Variants in DNAH9 observed in about 807,000 individuals in gnomAD.
DNAH9 encodes dynein axonemal heavy chain 9.
DNAH9 carries 345 observed loss-of-function variants against 471.6 expected under a neutral mutation model. That is an observed-to-expected ratio of 0.73 (90% CI 0.67 to 0.80). The LOEUF (loss-of-function observed/expected upper bound fraction) is 0.80. Ranked by LOEUF, DNAH9 falls within the 30% of genes least tolerant of loss-of-function variation. The pLI is 0.00. For synonymous variants in DNAH9, 2,093 were observed against 2,123.6 expected (o/e 0.99, Z 0.40); for missense variants, 5,407 against 5,609.2 (o/e 0.96, Z 1.15).
intron 7 of DNAH9, among the ~76,000 whole-genome samples, chr17:11,630,741 G>A (rs1347555230): frequency 6.6e-6 from 1 of 152,100 alleles, no homozygotes; most frequent in African/African-American, 2.4e-5. Flanking sequence ...AAACTGTATT[G>A]CGTACTTGAA....
At chr17:11,871,515 C>T (rs575331510) in intron 51 of DNAH9, 83 bp from the exon 52 acceptor site, 57 of 1,253,710 alleles carry the variant, frequency 4.5e-5, no homozygotes, top group African/African-American at 2.2e-4. Context: ...AAGCGTGCAG[C>T]GGGCGCTCTC....
Position 11,727,825 on chromosome 17 carries a change from G to T in DNAH9, c.5717G>T (p.Gly1906Val). 2 of 1,612,652 alleles carry T rather than the reference G, an allele frequency of 1.2e-6. No homozygotes were observed. The highest frequency in any genetic ancestry group is 4.5e-5 in the East Asian group (2 of 44,884). Residue 1906 changes from glycine to valine, a missense_variant, in exon 28 of 69, where the codon GGC becomes GTC. This residue lies in a region of DNAH9 where 4,636 missense variants were observed against 4,900.3 expected (regional missense o/e 0.95). Coordinates refer to ENST00000262442, the MANE Select transcript of DNAH9 (RefSeq NM_001372.4). The part of the protein sequence containing the change: ...CSEQMDYKSC[G>V]NIYKGLAQTG... ...TTGTGCATTTTCTTGCAGTCTTGTG[G>T]CAACATCTACAAAGGCCTTGCTCAG...
intron 15 of DNAH9, 111 bp from the exon 16 acceptor site, chr17:11,668,953 C>G (rs956684620): frequency 6.6e-6 from 5 of 758,758 alleles, no homozygotes; most frequent in East Asian, 2.5e-5. Flanking sequence ...TCCCTACAGT[C>G]TAGCAGCCTA....
chr17:11,969,544 C>G lies in DNAH9; in HGVS notation c.*17C>G, dbSNP rs200299939. On this transcript the variant is annotated 3_prime_UTR_variant, in exon 69 of 69. Transcript: ENST00000262442. The stretch of plus-strand genomic sequence containing the variant: ...CAGATTTAGCATCCTGCAGAGCCAC[C>G]GAGAAAATAAAAAAGCTGGGCTTGG... 3 of 1,583,796 alleles carry G rather than the reference C, an allele frequency of 1.9e-6. No individual in the cohort carries two copies. The highest frequency in any genetic ancestry group is 1.7e-6 in the Non-Finnish European group (2 of 1,169,880).
intron 61 of DNAH9, among the ~76,000 whole-genome samples, chr17:11,919,382 C>T (rs1182259572): frequency 6.6e-6 from 1 of 151,408 alleles, no homozygotes; most frequent in Non-Finnish European, 1.5e-5. Flanking sequence ...GTAGTCCCAG[C>T]TACTCGGGAG....
chr17:11,749,476 CT>C (rs1967060257), intron 32 of DNAH9, among the ~76,000 whole-genome samples: 1 of 152,036 alleles, frequency 6.6e-6, no homozygotes. Flanking sequence ...TCTATAGACA[CT>C]TTATTCTCCC....
chr17:11,768,365 C>T (rs368861465), intron 36 of DNAH9, 88 bp from the exon 37 acceptor site: 6 of 1,371,982 alleles, frequency 4.4e-6, no homozygotes, highest in East Asian at 2.3e-5. Context: ...GTTGTCCTGC[C>T]CTGACCTTCT....
At chr17:11,906,032 T>C (rs1268187242) in intron 61 of DNAH9, among the ~76,000 whole-genome samples, 1 of 152,170 alleles carries the variant, frequency 6.6e-6, no homozygotes, top group Non-Finnish European at 1.5e-5. Context: ...CCCAGTTTCA[T>C]GAGGAGGCCT....
rs12946318 is a variant in DNAH9 at position 11,694,629 on chromosome 17, T to G, written c.4872+182T>G. ...TTCTTGCTTTCTTGCTTTCTTGCTT[T>G]CTTGCTTTCTTGCTTTCTCGCTTTC... is the stretch of plus-strand genomic sequence containing the variant. On this transcript the variant is annotated intron_variant, in intron 22 of 68. Coordinates refer to ENST00000262442, the MANE Select transcript of DNAH9 (RefSeq NM_001372.4). Among the ~76,000 whole-genome samples, 11,281 of 16,544 alleles carry G rather than the reference T, an allele frequency of 0.68. 4,318 individuals are homozygous for G. Among genetic ancestry groups the G allele is most frequent in the Non-Finnish European group, 0.82 (6,018 of 7,322 alleles). The allele number at this position is 16,544 out of a possible 152,430, so 10.9% of individuals were successfully genotyped here. A position where few individuals can be genotyped will look rare whatever the true frequency, so the allele number is the denominator to read the frequency against.
chr17:11,963,170 C>T (rs888000685), intron 68 of DNAH9, among the ~76,000 whole-genome samples: 1 of 152,084 alleles, frequency 6.6e-6, no homozygotes, highest in African/African-American at 2.4e-5. Flanking sequence ...CACAGTGGCT[C>T]ACACCTGTAA....
At chr17:11,638,289 G>C (rs1260482140) in intron 9 of DNAH9, among the ~76,000 whole-genome samples, 1 of 152,184 alleles carries the variant, frequency 6.6e-6, no homozygotes, top group Non-Finnish European at 1.5e-5. Context: ...CTTACGGTCA[G>C]ATACAGAGTT....
intron 48 of DNAH9, among the ~76,000 whole-genome samples, chr17:11,831,708 A>G (rs890837257): frequency 6.6e-6 from 1 of 152,202 alleles, no homozygotes; most frequent in Non-Finnish European, 1.5e-5. Context: ...AATGCGGGGA[A>G]AACACTCCTT....
chr17:11,888,199 T>G (rs1379266543), intron 57 of DNAH9, among the ~76,000 whole-genome samples: 1 of 152,052 alleles, frequency 6.6e-6, no homozygotes, highest in East Asian at 1.9e-4. Context: ...TTAGCCAGGA[T>G]GGTCTCGATC....
At chr17:11,903,942 C>T (rs960958462) in intron 60 of DNAH9, among the ~76,000 whole-genome samples, 1 of 151,570 alleles carries the variant, frequency 6.6e-6, no homozygotes, top group African/African-American at 2.4e-5. Flanking sequence ...GGAAAAATAC[C>T]AGGGAGACCA....
At chr17:11,764,922 T>C (rs1672585094) in intron 36 of DNAH9, among the ~76,000 whole-genome samples, 1 of 152,216 alleles carries the variant, frequency 6.6e-6, no homozygotes, top group Non-Finnish European at 1.5e-5. Flanking sequence ...CAGCTTTTTG[T>C]ATATCAGTCA....
At chr17:11,750,989 A>G (rs1242259120) in intron 32 of DNAH9, among the ~76,000 whole-genome samples, 2 of 152,080 alleles carry the variant, frequency 1.3e-5, no homozygotes, top group Admixed American at 6.5e-5. Context: ...AAGACCAATA[A>G]GATAAGTCTA....
intron 52 of DNAH9, among the ~76,000 whole-genome samples, chr17:11,872,573 C>A (rs1438022794): frequency 2.0e-5 from 3 of 152,104 alleles, no homozygotes; most frequent in African/African-American, 7.2e-5. Flanking sequence ...CGTTCAAGAC[C>A]GGGATACCTT....
rs1975515106 is a variant in DNAH9, at chr17:11,953,939, TAG to T, written c.12844-7924_12844-7923del. 4 of 152,032 alleles carry T rather than the reference TAG, an allele frequency of 2.6e-5. No homozygotes were observed. The South Asian group carries it at 6.2e-4, about 24-fold the overall frequency. 9.4% of individuals were successfully genotyped at this position (152,032 alleles called of 1,614,324 possible). A position where few individuals can be genotyped will look rare whatever the true frequency, so the allele number is the denominator to read the frequency against. ...TATTAAAAGACGCAAATGGAATTTA[TAG>T]AGATGAAAAATACAATATTGATATG... is the stretch of plus-strand genomic sequence containing the variant. On this transcript the variant is annotated intron_variant, in intron 67 of 68. Coordinates refer to ENST00000262442, the MANE Select transcript of DNAH9 (RefSeq NM_001372.4).
Position 11,694,439 on chromosome 17 carries a change from C to G in DNAH9, c.4864C>G (p.Pro1622Ala), listed in dbSNP as rs1369832654. The stretch of plus-strand genomic sequence containing the variant: ...AGACATCCTTTCCAACGGCACAGCT[C>G]CACAACAGGTAAGCTGGAGGAGCAT... Reference protein sequence around the residue: ...LLDILSNGTAPQQVQRHLSKL... With the variant: ...LLDILSNGTAAQQVQRHLSKL... The change falls in exon 22 of 69, where the codon CCA becomes GCA. Residue 1622 changes from proline to alanine, a missense_variant. Transcript: ENST00000262442. The G allele has an allele frequency of 1.2e-6, 2 of 1,613,050 alleles. No homozygotes were observed. The highest frequency in any genetic ancestry group is 2.2e-5 in the East Asian group (1 of 44,754).
Sources: allele counts gnomAD v4.1 joint callset (sites outside exome capture counted in the v4.1 genomes callset), GRCh38; gene constraint gnomAD v4.1.1; regional missense constraint gnomAD v4.1.1; transcripts MANE v1.5; gene names NCBI Gene and HGNC (gene_info 2026-07-23, HGNC 2026-07-21).